OLR1: variants seen among roughly 807,000 people sequenced by gnomAD.
OLR1 encodes the protein oxidized low density lipoprotein receptor 1, also known as oxidized low-density lipoprotein receptor 1.
Under a neutral mutation model 31.7 loss-of-function variants are expected in OLR1, and 23 were observed. The ratio of observed to expected loss-of-function variants is 0.72; its 90% CI spans 0.52 to 1.03. The LOEUF is 1.03. Ranked by LOEUF, OLR1 falls within the 50% of genes least tolerant of loss-of-function variation. The probability of loss-of-function intolerance (pLI) is 0.00; values close to 1 mark genes in which losing one functional copy is unlikely to be tolerated. For synonymous variants in OLR1, 117 were observed against 115.8 expected (o/e 1.01, Z -0.07); for missense variants, 286 against 315.7 (o/e 0.91, Z 0.71).
At chr12:10,170,982 G>A (rs938646136) in intron 1 of OLR1, 9 of 152,008 alleles carry the variant, frequency 5.9e-5, no homozygotes, top group Non-Finnish European at 1.2e-4. Context: ...AGTAGGTACC[G>A]ATCTAACCAA....
At chr12:10,173,133 C>T (rs767883888), upstream of OLR1, among the ~76,000 whole-genome samples, 116 of 152,094 alleles carry the variant, frequency 7.6e-4, 1 homozygote, top group Admixed American at 4.5e-3. Context: ...GTCACAAAGA[C>T]GCTTACATGA....
At chr12:10,161,783 T>C (rs1156389164) in intron 3 of OLR1, among the ~76,000 whole-genome samples, 2 of 152,154 alleles carry the variant, frequency 1.3e-5, no homozygotes, top group African/African-American at 4.8e-5. Flanking sequence ...AGAAAAAGAA[T>C]GTAAAATAGT....
chr12:10,165,110 A>G (rs1948649947), intron 3 of OLR1, among the ~76,000 whole-genome samples: 1 of 152,152 alleles, frequency 6.6e-6, no homozygotes, highest in African/African-American at 2.4e-5. Flanking sequence ...TAAAAATACA[A>G]AAATTAGCCA....
chr12:10,161,939 ATATAT>A (rs1412413490), intron 3 of OLR1, among the ~76,000 whole-genome samples: 7 of 117,806 alleles, frequency 5.9e-5, no homozygotes, highest in African/African-American at 1.8e-4. Flanking sequence ...ATATATATAT[ATATAT>A]AAAAAACACA....
At chr12:10,163,856 G>A (rs1038543542) in intron 3 of OLR1, among the ~76,000 whole-genome samples, 22 of 152,182 alleles carry the variant, frequency 1.4e-4, no homozygotes, top group South Asian at 2.1e-4. Context: ...GCTTGACTCC[G>A]GGAGGCGGAG....
At position 10,167,146 on chromosome 12, in the gene OLR1, T is replaced by A. The variant is rs546748760; in HGVS notation, c.179-189A>T. The A allele has an allele frequency of 2.9e-5, 17 of 576,486 alleles. No individual in the cohort carries two copies. The East Asian group carries it at 4.8e-4, about 16-fold the overall frequency. 35.7% of individuals were successfully genotyped at this position (576,486 alleles called of 1,614,324 possible). ...TATTCCTGCAGTATTTTGTTTAATG[T>A]CAGGAACATTGCAAACACTTGTAAT... is the stretch of plus-strand genomic sequence containing the variant. On this transcript the variant is annotated intron_variant, in intron 2 of 5. Coordinates refer to ENST00000309539, the MANE Select transcript of OLR1 (RefSeq NM_002543.4).
upstream of OLR1, chr12:10,172,333 T>C: frequency 2.7e-6 from 1 of 368,570 alleles, no homozygotes; most frequent in East Asian, 4.6e-5. Flanking sequence ...AAGTAATTTA[T>C]GAAAGGGAAA....
chr12:10,164,852 C>T (rs1316704594), intron 3 of OLR1, among the ~76,000 whole-genome samples: 7 of 152,152 alleles, frequency 4.6e-5, no homozygotes, highest in East Asian at 1.9e-4. Flanking sequence ...TCCCTTTAGA[C>T]GGCTAAAATT....
upstream of OLR1, among the ~76,000 whole-genome samples, chr12:10,174,154 G>A (rs1167360750): frequency 6.6e-6 from 1 of 152,112 alleles, no homozygotes; most frequent in Admixed American, 6.6e-5. Flanking sequence ...TCCGCCTCCT[G>A]GGTTCAAGCA....
intron 3 of OLR1, among the ~76,000 whole-genome samples, chr12:10,164,294 C>T (rs754750156): frequency 6.6e-6 from 1 of 152,204 alleles, no homozygotes; most frequent in Non-Finnish European, 1.5e-5. Context: ...CATTTCCTTG[C>T]AAGCTCCAAC....
chr12:10,165,934 G>A (rs1948658162), intron 3 of OLR1, among the ~76,000 whole-genome samples: 3 of 152,038 alleles, frequency 2.0e-5, no homozygotes, highest in Admixed American at 6.6e-5. Context: ...CTTCTTGCCG[G>A]GTGCGGTGGC....
At chr12:10,174,886 TA>T (rs1393677436), upstream of OLR1, among the ~76,000 whole-genome samples, 1 of 152,262 alleles carries the variant, frequency 6.6e-6, no homozygotes, top group African/African-American at 2.4e-5. Context: ...CTTCAACAAT[TA>T]TCAATGTGGT....
At chr12:10,168,277 AAT>A (rs1948678836) in intron 2 of OLR1, among the ~76,000 whole-genome samples, 1 of 151,872 alleles carries the variant, frequency 6.6e-6, no homozygotes, top group Non-Finnish European at 1.5e-5. Flanking sequence ...ATAAATGTGA[AAT>A]ATATTTTATT....
chr12:10,160,382 C>T lies in OLR1; in HGVS notation c.645G>A (p.Trp215Ter). Reference protein sequence around the residue: ...GLSRRNPSYPWLWEDGSPLMP... With the variant: ...GLSRRNPSYP ...TCAAAGGAGAACCGTCCTCCCAGAG[C>T]CATGGGTAGCTGGGGTTCCTCCGAG... The change falls in exon 5 of 6, where the codon TGG becomes TGA. Residue 215 changes from tryptophan (W) to a stop codon, truncating the protein, a stop_gained. Transcript: ENST00000309539. LOFTEE classifies it low-confidence loss of function (END_TRUNC). The T allele has an allele frequency of 6.2e-7, 1 of 1,613,762 alleles. No individual in the cohort carries two copies. Among genetic ancestry groups the T allele is most frequent in the Non-Finnish European group, 8.5e-7 (1 of 1,179,872 alleles).
At chr12:10,166,675 T>G in intron 3 of OLR1, 37 bp downstream of exon 3, 1 of 1,610,910 alleles carries the variant, frequency 6.2e-7, no homozygotes, top group Non-Finnish European at 8.5e-7. Context: ...GACAGAAAGC[T>G]TCCACTATGT....
chr12:10,169,560 T>C (rs1463894362), intron 1 of OLR1, among the ~76,000 whole-genome samples: 1 of 152,206 alleles, frequency 6.6e-6, no homozygotes, highest in Non-Finnish European at 1.5e-5. Flanking sequence ...TCATCCACAG[T>C]GCAGAGAGCC....
At chr12:10,167,009 C>T (rs35870697) in intron 2 of OLR1, 52 bp from the exon 3 acceptor site, 48 of 1,537,112 alleles carry the variant, frequency 3.1e-5, no homozygotes, top group Non-Finnish European at 4.1e-5. Context: ...AAAAATCCCT[C>T]CAGGGACTTT....
At chr12:10,169,710 A>G (rs576643962) in intron 1 of OLR1, among the ~76,000 whole-genome samples, 1 of 152,244 alleles carries the variant, frequency 6.6e-6, no homozygotes, top group East Asian at 1.9e-4. Context: ...ATGCTATTCA[A>G]TTATGAGTCC....
chr12:10,168,511 T>G (rs1160261050), intron 2 of OLR1, among the ~76,000 whole-genome samples: 1 of 152,198 alleles, frequency 6.6e-6, no homozygotes, highest in Non-Finnish European at 1.5e-5. Context: ...TTGTTTTGTT[T>G]GAAATGGAGT....
Sources: allele counts gnomAD v4.1 joint callset (sites outside exome capture counted in the v4.1 genomes callset), GRCh38; gene constraint gnomAD v4.1.1; transcripts MANE v1.5; gene names NCBI Gene and HGNC (gene_info 2026-07-23, HGNC 2026-07-21).